The following TBC1D5 variants were observed in gnomAD, a reference collection of about 807,000 sequenced individuals.
The protein encoded by TBC1D5 is TBC1 domain family, member 5.
TBC1D5 carries 75 observed loss-of-function variants against 100.3 expected under a neutral mutation model. The ratio of observed to expected loss-of-function variants is 0.75; its 90% CI spans 0.62 to 0.91. The LOEUF (loss-of-function observed/expected upper bound fraction) is 0.91, where lower values mean the gene tolerates loss of function less well. Among genes scored for constraint, TBC1D5 ranks in the 40% least tolerant of loss-of-function variants. The pLI is 0.00. For synonymous variants in TBC1D5, 323 were observed against 325.6 expected (o/e 0.99, Z 0.09); for missense variants, 910 against 942.4 (o/e 0.97, Z 0.45).
intron 13 of TBC1D5, among the ~76,000 whole-genome samples, chr3:17,325,999 G>C (rs2086080094): frequency 6.6e-6 from 1 of 152,142 alleles, no homozygotes; most frequent in Admixed American, 6.5e-5. Flanking sequence ...TTAAAGTCAA[G>C]TGAGAGGAAA....
intron 3 of TBC1D5, among the ~76,000 whole-genome samples, chr3:17,504,102 A>G (rs2095815894): frequency 6.9e-5 from 1 of 14,500 alleles, no homozygotes; most frequent in African/African-American, 3.3e-4. Flanking sequence ...AACAGAGTTC[A>G]TACATTACAA....
At chr3:17,339,640 TATAA>T (rs966509527) in intron 13 of TBC1D5, among the ~76,000 whole-genome samples, 3 of 152,226 alleles carry the variant, frequency 2.0e-5, no homozygotes, top group African/African-American at 7.2e-5. Context: ...TATAGAAATC[TATAA>T]ATACAGCATT....
chr3:17,207,396 A>G (rs2072350938), intron 18 of TBC1D5, among the ~76,000 whole-genome samples: 1 of 152,248 alleles, frequency 6.6e-6, no homozygotes, highest in South Asian at 2.1e-4. Flanking sequence ...TTTCTCTTCA[A>G]GACAAACCAA....
intron 18 of TBC1D5, among the ~76,000 whole-genome samples, chr3:17,196,391 G>C (rs2070690545): frequency 6.6e-6 from 1 of 152,148 alleles, no homozygotes; most frequent in South Asian, 2.1e-4. Flanking sequence ...ACTCTGGTCA[G>C]AAGAGACAGT....
chr3:17,472,824 C>T (rs565084379), intron 3 of TBC1D5, among the ~76,000 whole-genome samples: 47 of 152,254 alleles, frequency 3.1e-4, no homozygotes, highest in African/African-American at 1.0e-3. Context: ...ACATTAACAA[C>T]GAAACCAGGA....
At chr3:17,422,354 G>T (rs111501199) in intron 4 of TBC1D5, among the ~76,000 whole-genome samples, 8,643 of 142,838 alleles carry the variant, frequency 0.061, 500 homozygotes, top group African/African-American at 0.15. Context: ...TTGTTTTTTT[G>T]TTTTTTTTTT....
intron 1 of TBC1D5, among the ~76,000 whole-genome samples, chr3:17,707,791 A>G (rs1347512992): frequency 6.6e-6 from 1 of 152,232 alleles, no homozygotes; most frequent in African/African-American, 2.4e-5. Context: ...CTTCCTGAAC[A>G]GGAAGAATTA....
At chr3:17,584,284 C>T (rs528294328) in intron 2 of TBC1D5, among the ~76,000 whole-genome samples, 147 of 152,314 alleles carry the variant, frequency 9.7e-4, no homozygotes, top group South Asian at 1.5e-3. Context: ...TTGCATAACA[C>T]TGTCAGTGTA....
At chr3:17,350,055 A>G (rs2090373681) in intron 13 of TBC1D5, among the ~76,000 whole-genome samples, 1 of 152,116 alleles carries the variant, frequency 6.6e-6, no homozygotes, top group African/African-American at 2.4e-5. Flanking sequence ...ATTAAGATAG[A>G]GTAGTTTATT....
chr3:17,704,975 A>C (rs1191718225), intron 1 of TBC1D5, among the ~76,000 whole-genome samples: 2 of 101,910 alleles, frequency 2.0e-5, no homozygotes, highest in Non-Finnish European at 4.2e-5. Flanking sequence ...CTCACCTCCC[A>C]GACGGGGCGG....
chr3:17,352,016 C>CCA (rs979236525), intron 13 of TBC1D5, among the ~76,000 whole-genome samples: 13 of 148,194 alleles, frequency 8.8e-5, no homozygotes, highest in African/African-American at 1.5e-4. Flanking sequence ...AAAAAAAAAA[C>CCA]CACACACACA....
chr3:17,246,002 C>T (rs554503112), intron 16 of TBC1D5, among the ~76,000 whole-genome samples: 4 of 151,954 alleles, frequency 2.6e-5, no homozygotes, highest in Non-Finnish European at 5.9e-5. Context: ...GAAGTTTTTG[C>T]CCTCTTCACC....
At chr3:17,384,363 A>T (rs960725036) in intron 8 of TBC1D5, among the ~76,000 whole-genome samples, 1 of 152,058 alleles carries the variant, frequency 6.6e-6, no homozygotes, top group Non-Finnish European at 1.5e-5. Flanking sequence ...TAAGAATGTG[A>T]TTTTGTAAAA....
intron 2 of TBC1D5, among the ~76,000 whole-genome samples, chr3:17,597,866 C>T (rs1279842830): frequency 6.6e-6 from 1 of 152,122 alleles, no homozygotes; most frequent in Non-Finnish European, 1.5e-5. Context: ...GAAATTCAAA[C>T]ATTGTATCTT....
At chr3:17,630,380 C>T (rs2063389790) in intron 1 of TBC1D5, among the ~76,000 whole-genome samples, 1 of 152,122 alleles carries the variant, frequency 6.6e-6, no homozygotes, top group African/African-American at 2.4e-5. Context: ...GTCTCTATGT[C>T]ACATTACCAT....
At chr3:17,479,756 C>A (rs57904270) in intron 3 of TBC1D5, among the ~76,000 whole-genome samples, 1 of 152,122 alleles carries the variant, frequency 6.6e-6, no homozygotes, top group South Asian at 2.1e-4. Context: ...GAAGATCACA[C>A]TGATTTCAGC....
chr3:17,236,765 C>T (rs979144190), intron 17 of TBC1D5, among the ~76,000 whole-genome samples: 1 of 152,114 alleles, frequency 6.6e-6, no homozygotes, highest in African/African-American at 2.4e-5. Context: ...CATGCGTGAA[C>T]CACCATGCCC....
intron 2 of TBC1D5, among the ~76,000 whole-genome samples, chr3:17,581,212 T>C (rs1457145272): frequency 1.3e-5 from 2 of 152,232 alleles, no homozygotes; most frequent in African/African-American, 2.4e-5. Context: ...TCCGCCATGA[T>C]TGTGAGACCT....
chr3:17,449,272 C>A (rs1191715138), intron 3 of TBC1D5, among the ~76,000 whole-genome samples: 1 of 152,216 alleles, frequency 6.6e-6, no homozygotes, highest in African/African-American at 2.4e-5. Context: ...GGTGTCTACA[C>A]CACCAGGGCC....
Sources: allele counts gnomAD v4.1 joint callset (sites outside exome capture counted in the v4.1 genomes callset), GRCh38; gene constraint gnomAD v4.1.1; transcripts MANE v1.5; gene names NCBI Gene and HGNC (gene_info 2026-07-23, HGNC 2026-07-21).